Variants in MCM2 observed in about 807,000 individuals in gnomAD.
The protein encoded by MCM2 is DNA replication licensing factor MCM2.
Under a neutral mutation model 86.4 loss-of-function variants are expected in MCM2, and 49 were observed. The ratio of observed to expected loss-of-function variants is 0.57; its 90% confidence interval spans 0.45 to 0.72. The LOEUF (loss-of-function observed/expected upper bound fraction) is 0.72, where lower values mean the gene tolerates loss of function less well. Ranked by LOEUF, MCM2 falls within the 30% of genes least tolerant of loss-of-function variation. The pLI, the probability that MCM2 is intolerant of heterozygous loss-of-function variation, is 0.00. For missense variants in MCM2, 1,038 were observed against 1,259.9 expected (o/e 0.82, Z 2.67); for synonymous variants, 475 against 484.6 (o/e 0.98, Z 0.26).
chr3:127,616,788 AATTGGTGGGGG>A, intron 9 of MCM2, 69 bp from the exon 10 acceptor site: 1 of 1,473,430 alleles, frequency 6.8e-7, no homozygotes, highest in Non-Finnish European at 9.4e-7. Flanking sequence ...TAGGTTGAGG[AATTGGTGGGGG>A]ATGCAACTGT....
rs1265347002 is a variant in MCM2 at position 127,617,961 on chromosome 3, T to C, written c.1901-8T>C. ...CCACCCTGATGGAGGTGCTCCCCTG[T>C]GTTTCAGGAGGGCGCTACGACCCCT... On this transcript the variant is annotated splice_polypyrimidine_tract_variant and splice_region_variant and intron_variant, in intron 11 of 15. Coordinates refer to ENST00000265056, the MANE Select transcript of MCM2 (RefSeq NM_004526.4). The surrounding 1 kb of genome is among the most constrained non-coding windows in gnomAD (Gnocchi z 4.1). The C allele has an allele frequency of 6.2e-7, 1 of 1,609,978 alleles. No homozygotes were observed. Among genetic ancestry groups the C allele is most frequent in the Non-Finnish European group, 8.5e-7 (1 of 1,177,140 alleles).
Position 127,621,144 on chromosome 3 carries a change from G to A in MCM2, c.2520G>A (p.Val840=), listed in dbSNP as rs779622517. 1.2e-6 allele frequency: 2 copies of A among 1,614,256 alleles called. No individual in the cohort carries two copies. Among genetic ancestry groups the A allele is most frequent in the East Asian group, 4.5e-5 (2 of 44,892 alleles). ...ELLLFILKQL[V]AEQVTYQRNR... is the part of the protein sequence containing the mutation. ...TGCTCTTCATACTGAAGCAGTTAGTGGCAGAGCAGGTGACATATCAGCGCA... is the reference window on the plus strand; with the variant it reads ...TGCTCTTCATACTGAAGCAGTTAGTAGCAGAGCAGGTGACATATCAGCGCA... The change falls in exon 15 of 16, where the codon GTG becomes GTA. Residue 840 remains valine (V), a synonymous_variant. Coordinates refer to ENST00000265056, the MANE Select transcript of MCM2 (RefSeq NM_004526.4).
chr3:127,605,248 A>T lies in MCM2; in HGVS notation c.673+92A>T, dbSNP rs542686516. 8 of 1,515,050 alleles carry T rather than the reference A, an allele frequency of 5.3e-6. No homozygotes were observed. In the South Asian group the frequency reaches 8.7e-5, roughly 16 times the overall value. The allele number at this position is 1,515,050 out of a possible 1,614,324, so 93.9% of individuals were successfully genotyped here. ...TCTGAGCCGAGTGAACACGTGAAGC[A>T]CAGGGCATATGGCTGAGAGGTCTGT... is the stretch of plus-strand genomic sequence containing the variant. On this transcript the variant is annotated intron_variant, in intron 4 of 15. Transcript: ENST00000265056.
chr3:127,606,085 A>G lies in MCM2; in HGVS notation c.674-33A>G. 6.5e-7 allele frequency: 1 copy of G among 1,548,008 alleles called. No individual in the cohort carries two copies. Among genetic ancestry groups the G allele is most frequent in the Non-Finnish European group, 8.9e-7 (1 of 1,120,188 alleles). The stretch of plus-strand genomic sequence containing the variant: ...GCAGCCCAGCCCAGGCCTCATGCTT[A>G]GTTAACTCTCTTCCCACTGTGCCCC... On this transcript the variant is annotated intron_variant, in intron 4 of 15. Coordinates refer to ENST00000265056, the MANE Select transcript of MCM2 (RefSeq NM_004526.4). This position sits in a 1 kb window ranked among gnomAD's most constrained non-coding sequence, Gnocchi z 4.2.
At chr3:127,609,760 C>G (rs761816649) in intron 8 of MCM2, among the ~76,000 whole-genome samples, 1 of 151,974 alleles carries the variant, frequency 6.6e-6, no homozygotes, top group African/African-American at 2.4e-5. Context: ...CCATCCTGCC[C>G]CCAGAGCACC....
Position 127,617,525 on chromosome 3 carries a change from G to T in MCM2, c.1900+120G>T. ...CTGAGGAAGTCATTGTGCAGCAGAG[G>T]GTTCCCCTCTTCTGCATATCCTGCC... On this transcript the variant is annotated intron_variant, in intron 11 of 15. Coordinates refer to ENST00000265056, the MANE Select transcript of MCM2 (RefSeq NM_004526.4). The surrounding 1 kb of genome is among the most constrained non-coding windows in gnomAD (Gnocchi z 4.1). 1 of 1,293,954 alleles carries T rather than the reference G, an allele frequency of 7.7e-7. No individual in the cohort carries two copies. 80.2% of individuals were successfully genotyped at this position (1,293,954 alleles called of 1,614,324 possible).
rs762843527 is a variant in MCM2 at position 127,617,016 on chromosome 3, G to T, written c.1671G>T (p.Thr557=). The T allele has an allele frequency of 6.2e-7, 1 of 1,614,210 alleles. No homozygotes were observed. The highest frequency in any genetic ancestry group is 1.3e-5 in the African/African-American group (1 of 75,066). ...AGGGGGCGTCGGCTGTGGGCCTCAC[G>T]GCGTATGTCCAGCGGCACCCTGTCA... ...TGQGASAVGL[T]AYVQRHPVSR... is the part of the protein sequence containing the mutation. Residue 557 remains threonine, a synonymous_variant, in exon 10 of 16, where the codon ACG becomes ACT. Coordinates refer to ENST00000265056, the MANE Select transcript of MCM2 (RefSeq NM_004526.4). The surrounding 1 kb of genome is among the most constrained non-coding windows in gnomAD (Gnocchi z 4.1).
At position 127,606,708 on chromosome 3, in the gene MCM2, A is replaced by C. The variant is rs1381306330; in HGVS notation, c.992A>C (p.Lys331Thr). The C allele has an allele frequency of 6.2e-7, 1 of 1,614,234 alleles. No individual in the cohort carries two copies. Among genetic ancestry groups the C allele is most frequent in the East Asian group, 2.2e-5 (1 of 44,882 alleles). Residue 331 changes from lysine (K) to threonine (T), a missense_variant, in exon 6 of 16, where the codon AAG becomes ACG. Coordinates refer to ENST00000265056, the MANE Select transcript of MCM2 (RefSeq NM_004526.4). The surrounding 1 kb of genome is among the most constrained non-coding windows in gnomAD (Gnocchi z 4.2). The part of the protein sequence containing the change: ...QLSMVKYNCN[K>T]CNFVLGPFCQ... Reference sequence around the variant, plus strand: ...AGCATGGTCAAGTACAACTGCAACAAGTGCAATTTCGTCCTGGGTCCTTTC... The same window carrying C: ...AGCATGGTCAAGTACAACTGCAACACGTGCAATTTCGTCCTGGGTCCTTTC...
chr3:127,606,271 G>A lies in MCM2; in HGVS notation c.827G>A (p.Arg276His), dbSNP rs567359279. 2.4e-5 allele frequency: 38 copies of A among 1,614,204 alleles called. No homozygotes were observed. In the East Asian group the frequency reaches 8.0e-4, roughly 34 times the overall value. Reference sequence around the variant, plus strand: ...CTGGCCATGTACCCCAAGTACGACCGCATCACCAACCACATCCATGTCCGC... The same window carrying A: ...CTGGCCATGTACCCCAAGTACGACCACATCACCAACCACATCCATGTCCGC... ...VVLAMYPKYD[R>H]ITNHIHVRIS... Residue 276 changes from arginine to histidine, a missense_variant, in exon 5 of 16, where the codon CGC (arginine) becomes CAC (histidine). Coordinates refer to ENST00000265056, the MANE Select transcript of MCM2 (RefSeq NM_004526.4). This position sits in a 1 kb window ranked among gnomAD's most constrained non-coding sequence, Gnocchi z 4.2.
At chr3:127,604,363 T>C (rs2074329069) in intron 2 of MCM2, 1 of 484,174 alleles carries the variant, frequency 2.1e-6, no homozygotes, top group Non-Finnish European at 3.7e-6. Flanking sequence ...GGTTCATCCA[T>C]GTGCCAGCAC....
intron 6 of MCM2, among the ~76,000 whole-genome samples, chr3:127,607,225 G>C (rs895026571): frequency 6.6e-6 from 1 of 152,200 alleles, no homozygotes; most frequent in Non-Finnish European, 1.5e-5. Context: ...TCTGGGACCT[G>C]TCTGGCTCAC....
Position 127,618,013 on chromosome 3 carries a change from C to G in MCM2, c.1945C>G (p.Leu649Val). 1 of 1,614,112 alleles carries G rather than the reference C, an allele frequency of 6.2e-7. No homozygotes were observed. The highest frequency in any genetic ancestry group is 2.2e-5 in the East Asian group (1 of 44,868). ...GCTGACTTTCTCTGAGAACGTGGAC[C>G]TCACAGAGCCCATCATCTCACGCTT... ...PSLTFSENVD[L>V]TEPIISRFDI... Residue 649 changes from leucine to valine, a missense_variant, in exon 12 of 16, where the codon CTC (leucine) becomes GTC (valine). This residue lies in a region of MCM2 where 336 missense variants were observed against 425.7 expected (regional missense o/e 0.79). Coordinates refer to ENST00000265056, the MANE Select transcript of MCM2 (RefSeq NM_004526.4). The surrounding 1 kb of genome is among the most constrained non-coding windows in gnomAD (Gnocchi z 4.0).
chr3:127,619,047 C>A lies in MCM2; in HGVS notation c.2034C>A (p.Phe678Leu). 6.2e-7 allele frequency: 1 copy of A among 1,605,922 alleles called. No individual in the cohort carries two copies. Among genetic ancestry groups the A allele is most frequent in the Non-Finnish European group, 8.5e-7 (1 of 1,174,532 alleles). Residue 678 changes from phenylalanine to leucine, a missense_variant, in exon 13 of 16, where the codon TTC (phenylalanine) becomes TTA (leucine). Physicochemically the swap from Phe to Leu is conservative, Grantham distance 22. Coordinates refer to ENST00000265056, the MANE Select transcript of MCM2 (RefSeq NM_004526.4). ...DPVQDEMLARFVVGSHVRHHP... is the reference protein window; with the variant it reads ...DPVQDEMLARLVVGSHVRHHP... ...CTTAGGACGAGATGCTGGCCCGCTT[C>A]GTGGTGGGCAGCCACGTCAGACACC... is the stretch of plus-strand genomic sequence containing the variant.
Position 127,604,744 on chromosome 3 carries a change from G to T in MCM2, c.373G>T (p.Gly125Cys), listed in dbSNP as rs2074331931. Residue 125 changes from glycine to cysteine, a missense_variant, in exon 3 of 16, where the codon GGC (glycine) becomes TGC (cysteine). Gly to Cys is a radical substitution (Grantham distance 159). Around this residue, in one of 4 missense-constraint regions of MCM2, gnomAD observed 300 missense variants for 307.4 expected, o/e 0.98. Transcript: ENST00000265056. ...RAMRQRDREA[G>C]RGLGRMRRGL... ...CATGCGGCAGCGTGACCGGGAGGCT[G>T]GCCGGGGCCTGGGCCGCATGCGCCG... The T allele has an allele frequency of 6.2e-7, 1 of 1,608,152 alleles. No homozygotes were observed. The highest frequency in any genetic ancestry group is 8.5e-7 in the Non-Finnish European group (1 of 1,178,170).
chr3:127,614,286 A>G (rs1343779989), intron 8 of MCM2, among the ~76,000 whole-genome samples: 2 of 152,214 alleles, frequency 1.3e-5, no homozygotes, highest in African/African-American at 4.8e-5. Context: ...ACCTAGCCAC[A>G]ATACCATTAT....
rs1484142489 is a variant in MCM2, at chr3:127,606,108, C to A, written c.674-10C>A. The A allele has an allele frequency of 1.9e-6, 3 of 1,609,190 alleles. No homozygotes were observed. The highest frequency in any genetic ancestry group is 2.6e-6 in the Non-Finnish European group (3 of 1,175,712). ...TTAGTTAACTCTCTTCCCACTGTGC[C>A]CCCTTCTAGAGAACCGTGAGAGCCT... On this transcript the variant is annotated splice_polypyrimidine_tract_variant and intron_variant, in intron 4 of 15. Coordinates refer to ENST00000265056, the MANE Select transcript of MCM2 (RefSeq NM_004526.4). This position sits in a 1 kb window ranked among gnomAD's most constrained non-coding sequence, Gnocchi z 4.2.
chr3:127,604,290 G>A (rs1297429159), intron 2 of MCM2: 1 of 275,986 alleles, frequency 3.6e-6, no homozygotes, highest in Non-Finnish European at 6.8e-6. Flanking sequence ...CGCTCAGTGA[G>A]TGGAACCATA....
At chr3:127,608,595 G>A (rs896048776) in intron 7 of MCM2, 79 bp downstream of exon 7, 45 of 1,568,684 alleles carry the variant, frequency 2.9e-5, no homozygotes, top group African/African-American at 2.6e-4. Flanking sequence ...GGCCGGTGGC[G>A]GTGTCTATGG....
chr3:127,602,068 G>A (rs573350421), intron 2 of MCM2, among the ~76,000 whole-genome samples: 72 of 151,312 alleles, frequency 4.8e-4, no homozygotes, highest in African/African-American at 1.4e-3. Context: ...GTAATTTGCA[G>A]TTATTTTCTC....
Sources: gnomAD v4.1 joint callset for allele counts (sites outside exome capture counted in the v4.1 genomes callset) on GRCh38, gnomAD v4.1.1 for gene constraint, gnomAD v4.1.1 regional missense constraint, Gnocchi (gnomAD v3.1) non-coding constraint, MANE v1.5 for transcripts, NCBI Gene and HGNC (gene_info 2026-07-23, HGNC 2026-07-21) for gene names.